The following TPR variants were observed in gnomAD, a reference collection of about 807,000 sequenced individuals.
The protein encoded by TPR is nucleoprotein TPR.
A neutral mutation model predicts 316.1 loss-of-function variants in TPR; 51 were observed. The ratio of observed to expected loss-of-function variants is 0.16; its 90% CI spans 0.13 to 0.20. TPR has a LOEUF of 0.20. TPR is among the 10% of genes least tolerant of loss of function. The pLI, the probability that TPR is intolerant of heterozygous loss-of-function variation, is 1.00. For synonymous variants in TPR, 981 were observed against 914.7 expected, an observed-to-expected ratio of 1.07 and a Z score of -1.31; for missense variants, 2,272 against 2,754.8, an observed-to-expected ratio of 0.82 and a Z score of 3.92.
intron 4 of TPR, among the ~76,000 whole-genome samples, chr1:186,365,102 C>CTTTTT (rs61369492): frequency 0.19 from 25,644 of 136,828 alleles, 3,036 homozygotes; most frequent in African/African-American, 0.28. Flanking sequence ...AGGGGCTGCC[C>CTTTTT]TTTTTTTTTT....
rs1387194818 is a variant in TPR, at chr1:186,355,451, T to C, written c.2130A>G (p.Gln710=). 1.2e-6 allele frequency: 2 copies of C among 1,611,536 alleles called. No individual in the cohort carries two copies. ...LQEQVTDLRS[Q]NTKISTQLDF... ...CTAGCTGGGTAGAAATTTTGGTATT[T>C]TGTGATCGCAAATCTGTAACTTGTT... Residue 710 remains glutamine, a synonymous_variant, in exon 17 of 51, where the codon CAA becomes CAG. Coordinates refer to ENST00000367478, the MANE Select transcript of TPR (RefSeq NM_003292.3).
chr1:186,325,602 A>G, intron 42 of TPR, 162 bp downstream of exon 42: 1 of 547,708 alleles, frequency 1.8e-6, no homozygotes, highest in Admixed American at 3.3e-5. Flanking sequence ...AATCATAAAT[A>G]TAGTAGACTT....
Position 186,375,199 on chromosome 1 carries a change from G to C in TPR, c.-171C>G, listed in dbSNP as rs1034628184. Reference sequence around the variant, plus strand: ...CCGCGGCGGGACCCTGGGAAATCGAGTCCACCCTCAGCGGCAGCGTTTCAG... The same window carrying C: ...CCGCGGCGGGACCCTGGGAAATCGACTCCACCCTCAGCGGCAGCGTTTCAG... On this transcript the variant is annotated 5_prime_UTR_variant, in exon 1 of 51. Coordinates refer to ENST00000367478, the MANE Select transcript of TPR (RefSeq NM_003292.3). 2 of 1,518,146 alleles carry C rather than the reference G, an allele frequency of 1.3e-6. No individual in the cohort carries two copies. Among genetic ancestry groups the C allele is most frequent in the African/African-American group, 2.8e-5 (2 of 71,616 alleles). The allele number at this position is 1,518,146 out of a possible 1,614,324, so 94.0% of individuals were successfully genotyped here. A position where few individuals can be genotyped will look rare whatever the true frequency, so the allele number is the denominator to read the frequency against.
chr1:186,356,575 T>C, intron 14 of TPR, 126 bp from the exon 15 acceptor site: 1 of 901,800 alleles, frequency 1.1e-6, no homozygotes, highest in Admixed American at 3.0e-5. Flanking sequence ...CTCATTATTT[T>C]TTTTCATGCT....
chr1:186,365,350 C>T (rs1281637586), intron 4 of TPR, among the ~76,000 whole-genome samples: 2 of 151,942 alleles, frequency 1.3e-5, no homozygotes, highest in Non-Finnish European at 2.9e-5. Flanking sequence ...CCTGCCTCGG[C>T]CTCCCAAAGT....
In TPR at chr1:186,374,871, CACTT is replaced by C. The variant is rs1659662971; in HGVS notation, c.151+3_151+6del. 1 of 1,591,764 alleles carries C rather than the reference CACTT, an allele frequency of 6.3e-7. No homozygotes were observed. The highest frequency in any genetic ancestry group is 1.1e-5 in the South Asian group (1 of 90,074). On this transcript the variant is annotated splice_donor_5th_base_variant and intron_variant, in intron 1 of 50. Transcript: ENST00000367478. ...AAAACCAAGGACGGAAAGAGCATCT[CACTT>C]ACCGCTCTCCACCTTAAATTTCTCA... is the stretch of plus-strand genomic sequence containing the variant.
chr1:186,364,887 G>T (rs570621218), intron 4 of TPR, among the ~76,000 whole-genome samples: 3 of 152,112 alleles, frequency 2.0e-5, no homozygotes, highest in South Asian at 4.1e-4. Context: ...TAACTCTACC[G>T]TACTGAGCAA....
chr1:186,375,173 C>A lies in TPR; in HGVS notation c.-145G>T. 6.5e-7 allele frequency: 1 copy of A among 1,539,250 alleles called. No homozygotes were observed. The highest frequency in any genetic ancestry group is 1.2e-5 in the South Asian group (1 of 83,316). On this transcript the variant is annotated 5_prime_UTR_variant, in exon 1 of 51. Transcript: ENST00000367478. Reference sequence around the variant, plus strand: ...CGCGCGCGCCCGCCCGCCGGAGACTCCCGCGGCGGGACCCTGGGAAATCGA... The same window carrying A: ...CGCGCGCGCCCGCCCGCCGGAGACTACCGCGGCGGGACCCTGGGAAATCGA...
chr1:186,343,344 A>G lies in TPR; in HGVS notation c.3732T>C (p.Ala1244=). 1 of 1,612,952 alleles carries G rather than the reference A, an allele frequency of 6.2e-7. No individual in the cohort carries two copies. ...ELQELQDSLN[A]EREKVQVTAK... ...TACCTACCTGGACTTTCTCCCTTTC[A>G]GCATTTAGACTATCTTGCAGTTCCT... The change falls in exon 27 of 51, where the codon GCT becomes GCC. Residue 1244 remains alanine, a synonymous_variant. Coordinates refer to ENST00000367478, the MANE Select transcript of TPR (RefSeq NM_003292.3).
chr1:186,344,718 A>T (rs1408627091), intron 24 of TPR, 140 bp from the exon 25 acceptor site: 2 of 631,472 alleles, frequency 3.2e-6, no homozygotes, highest in East Asian at 6.7e-5. Context: ...GAAAATAATT[A>T]AAAGTTAATG....
chr1:186,349,650 A>ACT (rs138251412), intron 21 of TPR, among the ~76,000 whole-genome samples: 292 of 148,150 alleles, frequency 2.0e-3, no homozygotes, highest in Non-Finnish European at 3.1e-3. Flanking sequence ...ACAGTGCGAG[A>ACT]CTCTCTCTCA....
chr1:186,350,100 T>A, intron 21 of TPR, 123 bp downstream of exon 21: 1 of 1,009,618 alleles, frequency 9.9e-7, no homozygotes, highest in Non-Finnish European at 1.4e-6. Context: ...TTGGGTTTTT[T>A]TTTGTGTTTG....
In TPR at chr1:186,353,763, A is replaced by C; in HGVS notation, c.2259T>G (p.Thr753=). 1 of 1,614,102 alleles carries C rather than the reference A, an allele frequency of 6.2e-7. No individual in the cohort carries two copies. The highest frequency in any genetic ancestry group is 8.5e-7 in the Non-Finnish European group (1 of 1,179,992). Reference sequence around the variant, plus strand: ...TATTGATAATCTGTTCTTGCTTTTGAGTTGTGGCAGTGAGTTTCTGATTTC... The same window carrying C: ...TATTGATAATCTGTTCTTGCTTTTGCGTTGTGGCAGTGAGTTTCTGATTTC... ...HERNQKLTAT[T]QKQEQIINTM... The change falls in exon 18 of 51, where the codon ACT becomes ACG. Residue 753 remains threonine (T), a synonymous_variant. Coordinates refer to ENST00000367478, the MANE Select transcript of TPR (RefSeq NM_003292.3).
intron 10 of TPR, 106 bp from the exon 11 acceptor site, chr1:186,360,470 C>G: frequency 8.4e-7 from 1 of 1,188,216 alleles, no homozygotes; most frequent in Non-Finnish European, 1.2e-6. Flanking sequence ...TATAGTAATT[C>G]CTATAAAAAT....
intron 42 of TPR, 95 bp downstream of exon 42, chr1:186,325,669 T>G: frequency 1.0e-6 from 1 of 990,948 alleles, no homozygotes. Flanking sequence ...TTTTTACCAA[T>G]TCAATAAATA....
chr1:186,363,131 C>A, intron 5 of TPR, 130 bp from the exon 6 acceptor site: 1 of 1,128,526 alleles, frequency 8.9e-7, no homozygotes, highest in Middle Eastern at 2.6e-4. Context: ...TGCATAGATT[C>A]TTAACTAGAA....
chr1:186,331,321 A>G (rs147582295), intron 39 of TPR, among the ~76,000 whole-genome samples, 177 bp downstream of exon 39: 21 of 152,220 alleles, frequency 1.4e-4, no homozygotes, highest in African/African-American at 5.1e-4. Context: ...AAGGCAGTAC[A>G]CTATACTCAT....
At position 186,312,071 on chromosome 1, in the gene TPR, G is replaced by A; in HGVS notation, c.*1900C>T. On this transcript the variant is annotated 3_prime_UTR_variant, in exon 51 of 51. Transcript: ENST00000367478. Reference sequence around the variant, plus strand: ...AATATCAATATATTATATGAAAAATGAGAACAAAACTGTTTCCTATACATT... The same window carrying A: ...AATATCAATATATTATATGAAAAATAAGAACAAAACTGTTTCCTATACATT... The A allele has an allele frequency of 1.1e-6, 1 of 902,966 alleles. No homozygotes were observed. Among genetic ancestry groups the A allele is most frequent in the South Asian group, 1.5e-5 (1 of 66,430 alleles). 55.9% of individuals were successfully genotyped at this position (902,966 alleles called of 1,614,324 possible).
In TPR at chr1:186,313,690, A is replaced by C; in HGVS notation, c.*281T>G. On this transcript the variant is annotated 3_prime_UTR_variant, in exon 51 of 51. Coordinates refer to ENST00000367478, the MANE Select transcript of TPR (RefSeq NM_003292.3). ...TTTCTCTTCCATTTAGATCAATACT[A>C]TAACATTGATGTGCCTAGTAGAACA... is the stretch of plus-strand genomic sequence containing the variant. The C allele has an allele frequency of 6.3e-7, 1 of 1,596,012 alleles. No individual in the cohort carries two copies. The highest frequency in any genetic ancestry group is 8.6e-7 in the Non-Finnish European group (1 of 1,163,686).
Sources: gnomAD v4.1 joint callset for allele counts (sites outside exome capture counted in the v4.1 genomes callset) on GRCh38, gnomAD v4.1.1 for gene constraint, MANE v1.5 for transcripts, NCBI Gene and HGNC (gene_info 2026-07-23, HGNC 2026-07-21) for gene names.